The following GLIS3 variants were observed in gnomAD, a reference collection of about 807,000 sequenced individuals.
GLIS3 encodes the protein GLIS family zinc finger 3, also known as zinc finger protein GLIS3.
GLIS3 carries 53 observed loss-of-function variants against 78.6 expected under a neutral mutation model. The observed-to-expected ratio is 0.67, with a 90% CI of 0.54 to 0.85. The LOEUF (loss-of-function observed/expected upper bound fraction) is 0.85, where lower values mean the gene tolerates loss of function less well. Ranked by LOEUF, GLIS3 falls within the 40% of genes least tolerant of loss-of-function variation. GLIS3 has a pLI of 0.00. For synonymous variants in GLIS3, 684 were observed against 509.9 expected, an observed-to-expected ratio of 1.34 and a Z score of -4.60; for missense variants, 1,703 against 1,231.1, an observed-to-expected ratio of 1.38 and a Z score of -5.74.
At chr9:4,397,908 T>C in the GLIS3 span, among the ~76,000 whole-genome samples, 22 of 152,126 alleles carry the variant, frequency 1.4e-4, no homozygotes, top group Middle Eastern at 6.8e-3. Context: ...AATATCTCTA[T>C]AGACATTCCT....
intron 2 of GLIS3, among the ~76,000 whole-genome samples, chr9:4,221,356 A>G (rs1821315518): frequency 6.6e-6 from 1 of 152,220 alleles, no homozygotes; most frequent in Non-Finnish European, 1.5e-5. Context: ...TTAACCAAAA[A>G]TATATTGGTA....
At chr9:3,867,067 G>C (rs1341967912) in intron 8 of GLIS3, among the ~76,000 whole-genome samples, 1 of 152,164 alleles carries the variant, frequency 6.6e-6, no homozygotes, top group Non-Finnish European at 1.5e-5. Flanking sequence ...GAAAAGGGAA[G>C]AATCTGAGTT....
rs761982639 is a variant in GLIS3, at chr9:4,118,337, G to A, written c.1141C>T (p.Leu381=). Reference sequence around the variant, plus strand: ...GCCCCGTCCTCGCCGTAGGCCGGCAGCGCCAGGCCTCCAGGGGCCACCAGC... The same window carrying A: ...GCCCCGTCCTCGCCGTAGGCCGGCAACGCCAGGCCTCCAGGGGCCACCAGC... ...GVLVAPGGLA[L]PAYGEDGALE... is the part of the protein sequence containing the mutation. Residue 381 remains leucine, a synonymous_variant, in exon 4 of 11, where the codon CTG becomes TTG. Coordinates refer to ENST00000381971, the MANE Select transcript of GLIS3 (RefSeq NM_001042413.2). This position sits in a 1 kb window ranked among gnomAD's most constrained non-coding sequence, Gnocchi z 4.7. The A allele has an allele frequency of 6.3e-6, 10 of 1,577,258 alleles. No homozygotes were observed. The highest frequency in any genetic ancestry group is 7.7e-6 in the Non-Finnish European group (9 of 1,165,180).
the GLIS3 span, among the ~76,000 whole-genome samples, chr9:4,413,010 C>G: frequency 1.3e-5 from 2 of 152,200 alleles, no homozygotes; most frequent in Non-Finnish European, 2.9e-5. Flanking sequence ...GAATAAGAAA[C>G]TTCTGTCTTG....
At chr9:4,464,674 C>G in the GLIS3 span, among the ~76,000 whole-genome samples, 7 of 152,238 alleles carry the variant, frequency 4.6e-5, no homozygotes, top group African/African-American at 1.7e-4. Flanking sequence ...TGATTACAGG[C>G]ATGAGCCACC....
the GLIS3 span, among the ~76,000 whole-genome samples, chr9:4,411,851 A>G: frequency 6.6e-6 from 1 of 152,254 alleles, no homozygotes; most frequent in Admixed American, 6.5e-5. Flanking sequence ...TCAAAGTCAG[A>G]GAAAGCTAAT....
At chr9:4,411,331 C>G in the GLIS3 span, among the ~76,000 whole-genome samples, 3 of 152,178 alleles carry the variant, frequency 2.0e-5, no homozygotes, top group Non-Finnish European at 4.4e-5. Context: ...TTTCATTAGT[C>G]CACACGACCT....
intron 2 of GLIS3, among the ~76,000 whole-genome samples, chr9:4,173,949 C>T (rs985181432): frequency 6.6e-5 from 10 of 151,536 alleles, no homozygotes; most frequent in South Asian, 6.3e-4. Flanking sequence ...CACGCACACA[C>T]GCATTTCTAT....
At chr9:4,368,545 G>T in the GLIS3 span, among the ~76,000 whole-genome samples, 1 of 152,138 alleles carries the variant, frequency 6.6e-6, no homozygotes, top group African/African-American at 2.4e-5. Context: ...TAGAGACGGG[G>T]TTTCACCGTG....
intron 9 of GLIS3, among the ~76,000 whole-genome samples, chr9:3,830,706 C>T (rs1817996776): frequency 6.6e-6 from 1 of 152,212 alleles, no homozygotes. Context: ...GACCCTTATT[C>T]CTGTGTGCCT....
At chr9:4,377,538 A>G in the GLIS3 span, among the ~76,000 whole-genome samples, 1 of 135,738 alleles carries the variant, frequency 7.4e-6, no homozygotes, top group African/African-American at 2.6e-5. Context: ...CCTGTGAGCC[A>G]GTTCCCTTTC....
chr9:4,329,680 G>C (rs957009776), intron 2 of GLIS3, among the ~76,000 whole-genome samples: 2 of 152,050 alleles, frequency 1.3e-5, no homozygotes, highest in African/African-American at 4.8e-5. Context: ...AATTCATCTA[G>C]TCTGCCCACC....
At position 3,919,942 on chromosome 9, in the gene GLIS3, T is replaced by C. The variant is rs1280055586; in HGVS notation, c.1983+12418A>G. On this transcript the variant is annotated intron_variant, in intron 6 of 10. Coordinates refer to ENST00000381971, the MANE Select transcript of GLIS3 (RefSeq NM_001042413.2). ...GTTGGCCCTCCCATTTCTTTTAAAC[T>C]GTTATTTCATAACTAAGGAGAATAA... 6.6e-5 allele frequency among the ~76,000 whole-genome samples: 10 copies of C among 151,712 alleles called. No homozygotes were observed. The East Asian group carries it at 1.9e-3, about 29-fold the overall frequency.
In GLIS3 at chr9:3,892,900, T is replaced by C. The variant is rs191443649; in HGVS notation, c.2128+5791A>G. The stretch of plus-strand genomic sequence containing the variant: ...GCTTCAGGTACACCTCAGAGTATAA[T>C]AGACTCAGCCTTCTCTTCTCATGTG... On this transcript the variant is annotated intron_variant, in intron 7 of 10. Coordinates refer to ENST00000381971, the MANE Select transcript of GLIS3 (RefSeq NM_001042413.2). Among the ~76,000 whole-genome samples, 995 of 152,298 alleles carry C rather than the reference T, an allele frequency of 6.5e-3. 9 individuals are homozygous for C. Among genetic ancestry groups the C allele is most frequent in the Non-Finnish European group, 7.2e-3 (493 of 68,028 alleles).
rs558510039 is a variant in GLIS3 at position 4,050,254 on chromosome 9, A to C, written c.1710+67514T>G. Among the ~76,000 whole-genome samples, 5 of 152,330 alleles carry C rather than the reference A, an allele frequency of 3.3e-5. No individual in the cohort carries two copies. In the South Asian group the frequency reaches 8.3e-4, roughly 25 times the overall value. On this transcript the variant is annotated intron_variant, in intron 4 of 10. Coordinates refer to ENST00000381971, the MANE Select transcript of GLIS3 (RefSeq NM_001042413.2). ...AAATGTGGCACATATACCCCATGGA[A>C]TACTATGCAGCCACAGAAAAGGGTG...
chr9:4,021,172 T>C (rs1174502762), intron 4 of GLIS3, among the ~76,000 whole-genome samples: 2 of 152,188 alleles, frequency 1.3e-5, no homozygotes, highest in Non-Finnish European at 2.9e-5. Context: ...TATATGTATA[T>C]GTATATGTAT....
At chr9:4,125,659 C>A in intron 3 of GLIS3, 75 bp downstream of exon 3, 2 of 889,946 alleles carry the variant, frequency 2.2e-6, no homozygotes, top group South Asian at 2.7e-5. Context: ...TGTGTGTATT[C>A]AGAAAGAGAA....
chr9:4,114,822 T>C (rs766023107), intron 4 of GLIS3, among the ~76,000 whole-genome samples: 4 of 152,116 alleles, frequency 2.6e-5, no homozygotes, highest in Non-Finnish European at 5.9e-5. Flanking sequence ...GAAAGAGATC[T>C]ACACAAGGGT....
intron 2 of GLIS3, among the ~76,000 whole-genome samples, chr9:4,240,187 G>T (rs1182451748): frequency 8.2e-5 from 2 of 24,378 alleles, no homozygotes; most frequent in Non-Finnish European, 2.8e-4. Flanking sequence ...CCACAGATGT[G>T]GGGGAGGTGG....
Sources: allele counts gnomAD v4.1 joint callset (sites outside exome capture counted in the v4.1 genomes callset), GRCh38; gene constraint gnomAD v4.1.1; non-coding constraint Gnocchi (gnomAD v3.1); transcripts MANE v1.5; gene names NCBI Gene and HGNC (gene_info 2026-07-23, HGNC 2026-07-21).